TF: variants seen among roughly 807,000 people sequenced by gnomAD.
The protein encoded by TF is transferrin, also known as serotransferrin.
A neutral mutation model predicts 82.4 loss-of-function variants in TF; 55 were observed. The ratio of observed to expected loss-of-function variants is 0.67; its 90% CI spans 0.54 to 0.84. TF has a LOEUF of 0.84. Ranked by LOEUF, TF falls within the 40% of genes least tolerant of loss-of-function variation. The pLI is 0.00. For missense variants in TF, 737 were observed against 868.4 expected (o/e 0.85, Z 1.90); for synonymous variants, 332 against 332.6 (o/e 1.00, Z 0.02).
chr3:133,790,606 T>C lies in TF; in HGVS notation c.*11986T>C, dbSNP rs1934808073. ...ATTAACATTTTCATAGTGAAAGCTG[T>C]TAGTCTTGATAAAAGTAAAATAAGC... On this transcript the variant is annotated 3_prime_UTR_variant, in exon 17 of 17. Transcript: ENST00000402696. The C allele has an allele frequency of 6.6e-6, 1 of 152,212 alleles. No individual in the cohort carries two copies. Among genetic ancestry groups the C allele is most frequent in the Admixed American group, 6.5e-5 (1 of 15,284 alleles). The allele number at this position is 152,212 out of a possible 1,614,324, so 9.4% of individuals were successfully genotyped here. A position where few individuals can be genotyped will look rare whatever the true frequency, so the allele number is the denominator to read the frequency against.
At chr3:133,758,038 C>T (rs985898917) in intron 8 of TF, 92 bp downstream of exon 8, 143 of 1,241,428 alleles carry the variant, frequency 1.2e-4, no homozygotes, top group Middle Eastern at 2.7e-4. Context: ...GGGACCTGCA[C>T]GCCTCTCCTG....
At chr3:133,768,387 G>T (rs966827050) in intron 13 of TF, among the ~76,000 whole-genome samples, 30 of 152,170 alleles carry the variant, frequency 2.0e-4, no homozygotes, top group Non-Finnish European at 4.4e-5. Flanking sequence ...GTTTGGTACA[G>T]TTTAGCAGTT....
At chr3:133,668,852 A>C in the TF span, among the ~76,000 whole-genome samples, 9 of 152,142 alleles carry the variant, frequency 5.9e-5, no homozygotes, top group Non-Finnish European at 1.2e-4. Flanking sequence ...TGGTGCACAA[A>C]AACCCTTGTT....
At position 133,759,176 on chromosome 3, in the gene TF, C is replaced by T. The variant is rs748677488; in HGVS notation, c.1050C>T (p.Cys350=). The T allele has an allele frequency of 2.5e-6, 4 of 1,613,998 alleles. No individual in the cohort carries two copies. Among genetic ancestry groups the T allele is most frequent in the African/African-American group, 2.7e-5 (2 of 74,912 alleles). ...TAIRNLREGT[C]PEAPTDECKP... ...CTTTGTTCTTTTTTTATGCCATAGG[C>T]CCAGAAGCCCCAACAGATGAATGCA... Residue 350 remains cysteine (C), a splice_region_variant and synonymous_variant, in exon 9 of 17, where the codon TGC becomes TGT. Coordinates refer to ENST00000402696, the MANE Select transcript of TF (RefSeq NM_001063.4).
the TF span, among the ~76,000 whole-genome samples, chr3:133,669,880 T>C: frequency 1.3e-5 from 2 of 152,246 alleles, no homozygotes; most frequent in South Asian, 4.1e-4. Flanking sequence ...TCCAACCTTA[T>C]ATTAGAATGT....
rs542952893 is a variant in TF, at chr3:133,787,276, G to A, written c.*8656G>A. 1 of 152,290 alleles carries A rather than the reference G, an allele frequency of 6.6e-6. No individual in the cohort carries two copies. Among genetic ancestry groups the A allele is most frequent in the African/African-American group, 2.4e-5 (1 of 41,560 alleles). The allele number at this position is 152,290 out of a possible 1,614,324, so 9.4% of individuals were successfully genotyped here. On this transcript the variant is annotated 3_prime_UTR_variant, in exon 17 of 17. Transcript: ENST00000402696. ...AAATTCATAGGAAAGCTTGTCTTCT[G>A]TAAATGATTTTTGGGTATGAATTTG...
the TF span, among the ~76,000 whole-genome samples, chr3:133,732,521 C>T: frequency 4.5e-3 from 678 of 152,312 alleles, 3 homozygotes; most frequent in African/African-American, 8.3e-3. Context: ...CAACCCACTC[C>T]GGTTCCTTTT....
At chr3:133,696,391 G>T in the TF span, among the ~76,000 whole-genome samples, 8 of 151,868 alleles carry the variant, frequency 5.3e-5, no homozygotes, top group Non-Finnish European at 1.0e-4. Flanking sequence ...ATGTAGTATA[G>T]AAAAAAATAC....
At chr3:133,754,982 T>C (rs1219280174) in intron 4 of TF, among the ~76,000 whole-genome samples, 3 of 152,226 alleles carry the variant, frequency 2.0e-5, no homozygotes, top group Non-Finnish European at 4.4e-5. Context: ...CTGGATTTCT[T>C]TCCTGGAGGT....
chr3:133,724,988 G>A, the TF span, among the ~76,000 whole-genome samples: 1 of 152,066 alleles, frequency 6.6e-6, no homozygotes, highest in Non-Finnish European at 1.5e-5. Context: ...TTATTTCTGA[G>A]GGCTCTGTTC....
the TF span, among the ~76,000 whole-genome samples, chr3:133,700,504 C>T: frequency 2.0e-5 from 3 of 152,244 alleles, no homozygotes; most frequent in Admixed American, 6.5e-5. Flanking sequence ...AGTCTGATTG[C>T]AGCCCATGGT....
chr3:133,721,708 T>C, the TF span, among the ~76,000 whole-genome samples: 18 of 152,360 alleles, frequency 1.2e-4, no homozygotes, highest in African/African-American at 4.3e-4. Context: ...ATCACTGTAT[T>C]ACAGTTTATC....
In TF at chr3:133,791,637, C is replaced by T. The variant is rs1390940469; in HGVS notation, c.*13017C>T. 1.3e-5 allele frequency: 2 copies of T among 152,116 alleles called. No individual in the cohort carries two copies. The highest frequency in any genetic ancestry group is 4.8e-5 in the African/African-American group (2 of 41,426). 9.4% of individuals were successfully genotyped at this position (152,116 alleles called of 1,614,324 possible). ...TATTGTTTTGTCATAAAGAGGGGTA[C>T]CTTAGAATAAAATGTGTGCTTAGGA... On this transcript the variant is annotated 3_prime_UTR_variant, in exon 17 of 17. Coordinates refer to ENST00000402696, the MANE Select transcript of TF (RefSeq NM_001063.4).
chr3:133,669,422 C>T, the TF span, among the ~76,000 whole-genome samples: 83 of 152,314 alleles, frequency 5.4e-4, no homozygotes, highest in African/African-American at 2.0e-3. Flanking sequence ...GACATGTGCT[C>T]CCCTTTCATA....
rs1559884865 is a variant in TF at position 133,789,878 on chromosome 3, C to CATTTTTTTTTTTTTTTTTTTT, written c.*11258_*11259insATTTTTTTTTTTTTTTTTTTT. Reference sequence around the variant, plus strand: ...AGCCAAAACAAAACGATCTCGTTTGCGTTTTTTTTTTTTTTTTTTTTTTTT... The same window carrying CATTTTTTTTTTTTTTTTTTTT: ...AGCCAAAACAAAACGATCTCGTTTGCATTTTTTTTTTTTTTTTTTTTGTTTTTTTTTTTTTTTTTTTTTTTT... On this transcript the variant is annotated 3_prime_UTR_variant, in exon 17 of 17. Coordinates refer to ENST00000402696, the MANE Select transcript of TF (RefSeq NM_001063.4). 1 of 52,408 alleles carries CATTTTTTTTTTTTTTTTTTTT rather than the reference C, an allele frequency of 1.9e-5. No homozygotes were observed. Among genetic ancestry groups the CATTTTTTTTTTTTTTTTTTTT allele is most frequent in the African/African-American group, 9.3e-5 (1 of 10,734 alleles). The allele number at this position is 52,408 out of a possible 1,614,324, so 3.2% of individuals were successfully genotyped here.
At chr3:133,679,692 C>T in the TF span, among the ~76,000 whole-genome samples, 1 of 150,380 alleles carries the variant, frequency 6.6e-6, no homozygotes, top group Non-Finnish European at 1.5e-5. Flanking sequence ...GGCTTTACCA[C>T]AGCTTATTCA....
chr3:133,738,990 G>C, the TF span, among the ~76,000 whole-genome samples: 1 of 152,144 alleles, frequency 6.6e-6, no homozygotes, highest in Admixed American at 6.5e-5. Context: ...AACCAAAAAA[G>C]AGCCCGCATA....
upstream of TF, among the ~76,000 whole-genome samples, chr3:133,744,221 G>A (rs1356537953): frequency 6.6e-6 from 1 of 152,250 alleles, no homozygotes; most frequent in Non-Finnish European, 1.5e-5. Context: ...TGGGCCTGTG[G>A]CTGGAGGACT....
Position 133,753,067 on chromosome 3 carries a change from AT to A in TF, c.217-527del, listed in dbSNP as rs200192833. 9.3e-3 allele frequency among the ~76,000 whole-genome samples: 1,411 copies of A among 152,308 alleles called. 13 individuals carry two copies. The highest frequency in any genetic ancestry group is 0.034 in the South Asian group (164 of 4,822). On this transcript the variant is annotated intron_variant, in intron 2 of 16. Coordinates refer to ENST00000402696, the MANE Select transcript of TF (RefSeq NM_001063.4). ...GTTCCCATCTTCCCCCAGAAAAAAA[AT>A]CTCCACAGAAGCACCTGAGGAAGAC...
Sources: gnomAD v4.1 joint callset for allele counts (sites outside exome capture counted in the v4.1 genomes callset) on GRCh38, gnomAD v4.1.1 for gene constraint, MANE v1.5 for transcripts, NCBI Gene and HGNC (gene_info 2026-07-23, HGNC 2026-07-21) for gene names.